Variants in ANKRD44 observed in about 807,000 individuals in gnomAD.
The protein encoded by ANKRD44 is ankyrin repeat domain 44.
A neutral mutation model predicts 116.0 loss-of-function variants in ANKRD44; 35 were observed. The observed-to-expected ratio is 0.30, with a 90% CI of 0.23 to 0.40. The LOEUF is 0.40. Among genes scored for constraint, ANKRD44 ranks in the 10% least tolerant of loss-of-function variants. The pLI is 1.00. For missense variants in ANKRD44, 1,014 were observed against 1,242.6 expected (o/e 0.82, Z 2.77); for synonymous variants, 435 against 461.8 (o/e 0.94, Z 0.74).
At chr2:197,182,931 G>A (rs2080547332) in intron 2 of ANKRD44, among the ~76,000 whole-genome samples, 4 of 152,166 alleles carry the variant, frequency 2.6e-5, no homozygotes, top group African/African-American at 9.7e-5. Context: ...CTTTGGCTGG[G>A]TTGAGAAGGT....
At chr2:197,031,785 A>G (rs951959667) in intron 16 of ANKRD44, among the ~76,000 whole-genome samples, 6 of 152,158 alleles carry the variant, frequency 3.9e-5, no homozygotes, top group African/African-American at 1.4e-4. Flanking sequence ...TTTGTTTCTT[A>G]TTAGTGTGAA....
intron 4 of ANKRD44, chr2:197,133,947 C>CTTTTTTTTTTTTTTTTTTTTTT (rs60432411): frequency 1.8e-5 from 1 of 56,462 alleles, no homozygotes; most frequent in Non-Finnish European, 3.7e-5. Context: ...CTTTTTCTTT[C>CTTTTTTTTTTTTTTTTTTTTTT]TTTTTTTTTT....
chr2:197,308,339 G>T (rs2084137754), intron 1 of ANKRD44, among the ~76,000 whole-genome samples: 1 of 152,152 alleles, frequency 6.6e-6, no homozygotes, highest in Non-Finnish European at 1.5e-5. Flanking sequence ...TAAGCAAATG[G>T]TTTTAAAAGT....
At chr2:197,166,442 A>G (rs2080102743) in intron 2 of ANKRD44, among the ~76,000 whole-genome samples, 1 of 152,250 alleles carries the variant, frequency 6.6e-6, no homozygotes, top group African/African-American at 2.4e-5. Context: ...ATAAGCACTT[A>G]AGATACTTAA....
At chr2:197,153,832 T>G (rs930724270) in intron 2 of ANKRD44, among the ~76,000 whole-genome samples, 1 of 152,142 alleles carries the variant, frequency 6.6e-6, no homozygotes, top group Non-Finnish European at 1.5e-5. Flanking sequence ...TGCATGTGTG[T>G]GTTTGTGTGT....
chr2:197,054,801 G>C (rs1407799778), intron 16 of ANKRD44, among the ~76,000 whole-genome samples: 1 of 152,186 alleles, frequency 6.6e-6, no homozygotes, highest in African/African-American at 2.4e-5. Flanking sequence ...ACCATTTGCA[G>C]ACTAGTTTCT....
intron 2 of ANKRD44, among the ~76,000 whole-genome samples, chr2:197,172,342 A>G (rs2080259673): frequency 6.6e-6 from 1 of 152,046 alleles, no homozygotes; most frequent in Admixed American, 6.5e-5. Flanking sequence ...TGGTTGATAA[A>G]GGTGGTAGGT....
chr2:197,168,579 C>T (rs2080155321), intron 2 of ANKRD44, among the ~76,000 whole-genome samples: 1 of 152,170 alleles, frequency 6.6e-6, no homozygotes, highest in Non-Finnish European at 1.5e-5. Flanking sequence ...TGCGAAGCAA[C>T]TCTTTAGTTC....
At chr2:197,117,829 C>T (rs1206897899) in intron 8 of ANKRD44, among the ~76,000 whole-genome samples, 1 of 152,170 alleles carries the variant, frequency 6.6e-6, no homozygotes, top group Non-Finnish European at 1.5e-5. Flanking sequence ...TTCTAGTTAT[C>T]CACTAATCAG....
chr2:196,994,754 C>T (rs1476599291), intron 26 of ANKRD44: 1 of 152,356 alleles, frequency 6.6e-6, no homozygotes, highest in Non-Finnish European at 1.5e-5. Context: ...AACTCCTGGC[C>T]TCAAGTAATC....
chr2:197,136,684 T>C, intron 3 of ANKRD44, 22 bp from the exon 4 acceptor site: 2 of 1,612,450 alleles, frequency 1.2e-6, no homozygotes, highest in Non-Finnish European at 1.7e-6. Context: ...CAGCACAAGT[T>C]AGAGGCATAA....
intron 2 of ANKRD44, among the ~76,000 whole-genome samples, chr2:197,155,093 A>T (rs1268458955): frequency 6.6e-6 from 1 of 152,240 alleles, no homozygotes; most frequent in East Asian, 1.9e-4. Flanking sequence ...TCTCCCTTAC[A>T]TAACTAGACA....
chr2:197,055,527 A>G (rs2077186884), intron 16 of ANKRD44, among the ~76,000 whole-genome samples: 1 of 152,198 alleles, frequency 6.6e-6, no homozygotes, highest in African/African-American at 2.4e-5. Flanking sequence ...TCTGTGAGTC[A>G]TGAAGATGTT....
At chr2:197,146,133 A>T (rs2079495147) in intron 3 of ANKRD44, among the ~76,000 whole-genome samples, 2 of 152,236 alleles carry the variant, frequency 1.3e-5, no homozygotes, top group African/African-American at 4.8e-5. Flanking sequence ...TTTAAAATAC[A>T]TTGAAAAATA....
chr2:197,089,187 A>G (rs1355116986), intron 11 of ANKRD44, among the ~76,000 whole-genome samples: 2 of 152,236 alleles, frequency 1.3e-5, no homozygotes, highest in African/African-American at 4.8e-5. Flanking sequence ...AGTTGGTTTA[A>G]GAGTTGGGAA....
chr2:197,256,624 C>T (rs958659936), intron 1 of ANKRD44, among the ~76,000 whole-genome samples: 1 of 152,150 alleles, frequency 6.6e-6, no homozygotes, highest in African/African-American at 2.4e-5. Context: ...TTAAAAAATA[C>T]ACTTCTAAGA....
intron 8 of ANKRD44, among the ~76,000 whole-genome samples, chr2:197,120,212 C>G (rs540174564): frequency 3.2e-4 from 48 of 152,330 alleles, no homozygotes; most frequent in African/African-American, 1.1e-3. Context: ...TCCTTAAAGG[C>G]AGAGACTGAA....
At chr2:197,191,706 A>G (rs2080828269) in intron 1 of ANKRD44, among the ~76,000 whole-genome samples, 1 of 152,208 alleles carries the variant, frequency 6.6e-6, no homozygotes, top group Admixed American at 6.5e-5. Context: ...TAAGGAAGTA[A>G]GGTAATTGAA....
chr2:197,025,417 T>C (rs1008422649), intron 16 of ANKRD44, 150 bp from the exon 17 acceptor site: 3 of 561,546 alleles, frequency 5.3e-6, no homozygotes, highest in East Asian at 2.8e-5. Flanking sequence ...ACAAATATGC[T>C]AACAGAATAT....
Sources: allele counts gnomAD v4.1 joint callset (sites outside exome capture counted in the v4.1 genomes callset), GRCh38; gene constraint gnomAD v4.1.1; transcripts MANE v1.5; gene names NCBI Gene and HGNC (gene_info 2026-07-23, HGNC 2026-07-21).